The following C6 variants were observed in gnomAD, a reference collection of about 807,000 sequenced individuals.
C6 encodes complement component C6.
A neutral mutation model predicts 112.9 loss-of-function variants in C6; 101 were observed. That is an observed-to-expected ratio of 0.89 (90% CI 0.76 to 1.06). C6 has a LOEUF of 1.06. Ranked by LOEUF, C6 falls within the 50% of genes least tolerant of loss-of-function variation. C6 has a pLI of 0.00. For missense variants in C6, 1,202 were observed against 1,104.6 expected, an observed-to-expected ratio of 1.09 and a Z score of -1.25; for synonymous variants, 431 against 384.1, an observed-to-expected ratio of 1.12 and a Z score of -1.43.
chr5:41,161,387 A>G (rs3805716), intron 10 of C6, among the ~76,000 whole-genome samples: 1 of 152,042 alleles, frequency 6.6e-6, no homozygotes, highest in African/African-American at 2.4e-5. Context: ...GATTTATTGT[A>G]TACATGAAAA....
intron 1 of C6, among the ~76,000 whole-genome samples, chr5:41,245,538 A>C (rs1740970735): frequency 6.6e-6 from 1 of 152,154 alleles, no homozygotes; most frequent in Non-Finnish European, 1.5e-5. Context: ...TCACTAGTAA[A>C]GCCATCTGGA....
At chr5:41,255,134 G>A (rs531367312) in intron 1 of C6, among the ~76,000 whole-genome samples, 1 of 152,174 alleles carries the variant, frequency 6.6e-6, no homozygotes, top group East Asian at 1.9e-4. Context: ...GGCCAAGGTG[G>A]GCAGATCACT....
At chr5:41,161,289 T>C (rs1391579287) in intron 10 of C6, among the ~76,000 whole-genome samples, 1 of 152,130 alleles carries the variant, frequency 6.6e-6, no homozygotes, top group Non-Finnish European at 1.5e-5. Flanking sequence ...TAGAAATGGA[T>C]CTAAAATCTC....
intron 1 of C6, among the ~76,000 whole-genome samples, chr5:41,211,658 C>A (rs549316457): frequency 2.0e-5 from 3 of 152,222 alleles, no homozygotes; most frequent in Non-Finnish European, 2.9e-5. Context: ...CCTTGCCCCC[C>A]ACTGCCAAAA....
At chr5:41,204,065 C>T (rs1202439175) in intron 1 of C6, among the ~76,000 whole-genome samples, 1 of 152,212 alleles carries the variant, frequency 6.6e-6, no homozygotes, top group African/African-American at 2.4e-5. Context: ...AAACCATACC[C>T]ACCCCGTTAT....
At chr5:41,253,771 G>GT (rs1445418323) in intron 1 of C6, among the ~76,000 whole-genome samples, 1 of 152,124 alleles carries the variant, frequency 6.6e-6, no homozygotes, top group African/African-American at 2.4e-5. Context: ...TAAAGAAAGT[G>GT]TTTTTTAAAA....
chr5:41,178,557 C>G (rs1749058721), intron 7 of C6, among the ~76,000 whole-genome samples: 1 of 142,840 alleles, frequency 7.0e-6, no homozygotes, highest in South Asian at 2.2e-4. Context: ...CTCATTGCAA[C>G]CTTTGCCTCC....
chr5:41,191,793 CTT>C (rs374884823), intron 5 of C6, among the ~76,000 whole-genome samples: 12 of 142,320 alleles, frequency 8.4e-5, no homozygotes, highest in African/African-American at 5.1e-5. Flanking sequence ...TTTCTAGGGC[CTT>C]TTTTTTTTTG....
At chr5:41,252,276 A>C (rs1580259630) in intron 1 of C6, among the ~76,000 whole-genome samples, 2 of 152,180 alleles carry the variant, frequency 1.3e-5, no homozygotes, top group Admixed American at 1.3e-4. Flanking sequence ...CCAAAAATTA[A>C]ATTCTTAGCC....
intron 4 of C6, among the ~76,000 whole-genome samples, chr5:41,198,902 C>T (rs1358514602): frequency 1.3e-5 from 2 of 152,102 alleles, no homozygotes; most frequent in Non-Finnish European, 2.9e-5. Flanking sequence ...CATTCTCATT[C>T]GGATTTTGCT....
At chr5:41,205,562 C>T (rs1348762417) in intron 1 of C6, among the ~76,000 whole-genome samples, 2 of 152,174 alleles carry the variant, frequency 1.3e-5, no homozygotes, top group Non-Finnish European at 2.9e-5. Context: ...AATGGCACAC[C>T]AGGAGATTAT....
chr5:41,210,176 G>T (rs1213347946), intron 1 of C6, among the ~76,000 whole-genome samples: 4 of 152,178 alleles, frequency 2.6e-5, no homozygotes, highest in Non-Finnish European at 5.9e-5. Flanking sequence ...GTAGAAAGCT[G>T]AAACTGGATC....
intron 1 of C6, among the ~76,000 whole-genome samples, chr5:41,227,554 C>A (rs1431122732): frequency 6.6e-6 from 1 of 151,960 alleles, no homozygotes; most frequent in Non-Finnish European, 1.5e-5. Flanking sequence ...GGAACTTACC[C>A]CATGATTTCT....
chr5:41,209,941 G>A (rs941393005), intron 1 of C6, among the ~76,000 whole-genome samples: 8 of 152,140 alleles, frequency 5.3e-5, no homozygotes, highest in African/African-American at 1.9e-4. Flanking sequence ...AAAGCTGGAG[G>A]CATCTTGCTA....
chr5:41,234,550 G>T (rs975570630), intron 1 of C6, among the ~76,000 whole-genome samples: 1 of 152,020 alleles, frequency 6.6e-6, no homozygotes, highest in African/African-American at 2.4e-5. Flanking sequence ...TTAGCACTGA[G>T]TGTAGAAGCT....
In C6 at chr5:41,225,761, C is replaced by T. The variant is rs568385455; in HGVS notation, c.-20-22511G>A. ...ACTGGTACCAAAACAGAGATATAGA[C>T]CAATGGAACAGAACAGAGCCCTCAG... On this transcript the variant is annotated intron_variant, in intron 1 of 17. Transcript: ENST00000263413. Among the ~76,000 whole-genome samples, 10 of 152,052 alleles carry T rather than the reference C, an allele frequency of 6.6e-5. No individual in the cohort carries two copies. The East Asian group carries it at 1.2e-3, about 18-fold the overall frequency.
At chr5:41,169,953 T>A (rs763027838) in intron 9 of C6, among the ~76,000 whole-genome samples, 15 of 152,314 alleles carry the variant, frequency 9.8e-5, no homozygotes, top group East Asian at 1.9e-4. Context: ...TTTTCATTCA[T>A]GTCTTTGTTG....
intron 1 of C6, among the ~76,000 whole-genome samples, chr5:41,238,867 A>T (rs187163202): frequency 1.1e-4 from 16 of 152,160 alleles, no homozygotes; most frequent in Admixed American, 6.5e-4. Context: ...TGTTTTTAAT[A>T]TAATTAATTT....
chr5:41,213,590 G>C (rs929451942), upstream of C6: 3 of 981,906 alleles, frequency 3.1e-6, no homozygotes, highest in Non-Finnish European at 2.4e-6. Flanking sequence ...CTTTGCAAAT[G>C]ATTACACCAA....
Sources: gnomAD v4.1 joint callset for allele counts (sites outside exome capture counted in the v4.1 genomes callset) on GRCh38, gnomAD v4.1.1 for gene constraint, MANE v1.5 for transcripts, NCBI Gene and HGNC (gene_info 2026-07-23, HGNC 2026-07-21) for gene names.